STX8: variants seen among roughly 807,000 people sequenced by gnomAD.
The protein encoded by STX8 is syntaxin 8.
In STX8, 23 loss-of-function variants were observed where a neutral mutation model predicts 37.5. The ratio of observed to expected loss-of-function variants is 0.61; its 90% CI spans 0.44 to 0.87. The LOEUF (loss-of-function observed/expected upper bound fraction) is 0.87, where lower values mean the gene tolerates loss of function less well. STX8 is among the 40% of genes least tolerant of loss of function. The pLI, the probability that STX8 is intolerant of heterozygous loss-of-function variation, is 0.00. For synonymous variants in STX8, 115 were observed against 99.1 expected, an observed-to-expected ratio of 1.16 and a Z score of -0.95; for missense variants, 313 against 284.7, an observed-to-expected ratio of 1.10 and a Z score of -0.71.
At chr17:9,481,511 G>A (rs1382376755) in intron 6 of STX8, among the ~76,000 whole-genome samples, 5 of 152,180 alleles carry the variant, frequency 3.3e-5, no homozygotes, top group African/African-American at 1.2e-4. Flanking sequence ...AGGCTGGAGG[G>A]CATTGTTTCA....
chr17:9,371,469 T>A (rs1180889449), intron 7 of STX8, among the ~76,000 whole-genome samples: 1 of 152,200 alleles, frequency 6.6e-6, no homozygotes. Context: ...AAACAGCCAA[T>A]GTGGCTTTGC....
chr17:9,557,490 C>G lies in STX8; in HGVS notation c.156G>C (p.Lys52Asn). The G allele has an allele frequency of 6.2e-7, 1 of 1,614,066 alleles. No individual in the cohort carries two copies. The highest frequency in any genetic ancestry group is 1.1e-5 in the South Asian group (1 of 91,074). ...VTIRALLQNL[K>N]EKIALLKDLL... ...AGTCCTTCAAAAGGGCGATCTTTTC[C>G]TTCAGGTTCTGCAACAAAGCTCTGA... Residue 52 changes from lysine (K) to asparagine (N), a missense_variant, in exon 3 of 8, where the codon AAG (lysine) becomes AAC (asparagine). Physicochemically the swap from Lys to Asn is moderately conservative, Grantham distance 94. Transcript: ENST00000306357.
At chr17:9,383,919 TC>T (rs1911903124) in intron 6 of STX8, among the ~76,000 whole-genome samples, 1 of 152,128 alleles carries the variant, frequency 6.6e-6, no homozygotes, top group Non-Finnish European at 1.5e-5. Context: ...GTGTAAGACC[TC>T]TATAATAAAA....
chr17:9,353,259 G>A (rs1910769549), intron 7 of STX8, among the ~76,000 whole-genome samples: 2 of 152,112 alleles, frequency 1.3e-5, no homozygotes, highest in South Asian at 4.1e-4. Flanking sequence ...CATTGTTTGT[G>A]CGCTTCCTTG....
At chr17:9,447,780 T>A (rs1904902193) in intron 6 of STX8, among the ~76,000 whole-genome samples, 1 of 152,180 alleles carries the variant, frequency 6.6e-6, no homozygotes, top group African/African-American at 2.4e-5. Flanking sequence ...CAAATTAATG[T>A]TCTCATCAAT....
intron 6 of STX8, among the ~76,000 whole-genome samples, chr17:9,413,857 TGTAA>T (rs1264855655): frequency 6.6e-6 from 1 of 152,106 alleles, no homozygotes; most frequent in Non-Finnish European, 1.5e-5. Flanking sequence ...TATGTACGTA[TGTAA>T]GTATGTATGC....
At chr17:9,261,163 C>T (rs1907013793) in intron 7 of STX8, among the ~76,000 whole-genome samples, 3 of 152,078 alleles carry the variant, frequency 2.0e-5, no homozygotes, top group Admixed American at 2.0e-4. Flanking sequence ...GAGCACCTGG[C>T]TGGGCGTCAG....
At chr17:9,299,976 A>C (rs1043388460) in intron 7 of STX8, among the ~76,000 whole-genome samples, 5 of 152,214 alleles carry the variant, frequency 3.3e-5, no homozygotes, top group African/African-American at 4.8e-5. Context: ...GCAGGGCATG[A>C]ACATCAATCA....
intron 6 of STX8, among the ~76,000 whole-genome samples, chr17:9,412,392 G>T (rs989067991): frequency 1.3e-5 from 2 of 151,546 alleles, no homozygotes; most frequent in Non-Finnish European, 2.9e-5. Flanking sequence ...TGATTCTCCT[G>T]CCTCAGCCTC....
rs1405529512 is a variant in STX8 at position 9,332,386 on chromosome 17, G to A, written c.643+46166C>T. 2.0e-5 allele frequency among the ~76,000 whole-genome samples: 3 copies of A among 152,168 alleles called. No individual in the cohort carries two copies. In the East Asian group the frequency reaches 5.8e-4, roughly 29 times the overall value. On this transcript the variant is annotated intron_variant, in intron 7 of 7. Coordinates refer to ENST00000306357, the MANE Select transcript of STX8 (RefSeq NM_004853.3). ...TAACAAATCATCAGATCGACGTGCT[G>A]CCTTTGGTTAACTTAACCAACATCA...
intron 5 of STX8, among the ~76,000 whole-genome samples, chr17:9,500,058 T>G (rs891597967): frequency 6.6e-6 from 1 of 152,228 alleles, no homozygotes; most frequent in Non-Finnish European, 1.5e-5. Flanking sequence ...TTGTGCTGCA[T>G]GTAAAGCTGT....
chr17:9,407,079 T>C (rs1004266736), intron 6 of STX8, among the ~76,000 whole-genome samples: 24 of 152,170 alleles, frequency 1.6e-4, no homozygotes, highest in Non-Finnish European at 5.9e-5. Flanking sequence ...AACTGAATAA[T>C]AAACAGGTCA....
intron 6 of STX8, among the ~76,000 whole-genome samples, chr17:9,448,544 TTAC>T (rs761026742): frequency 0.2 from 29,769 of 151,898 alleles, 3,762 homozygotes; most frequent in East Asian, 0.63. Context: ...GCAATGTGCG[TTAC>T]GGAGAAAATA....
intron 7 of STX8, among the ~76,000 whole-genome samples, chr17:9,268,346 A>G (rs545161956): frequency 1.3e-3 from 199 of 152,188 alleles, no homozygotes; most frequent in Non-Finnish European, 2.0e-3. Flanking sequence ...ATCGTGGAAA[A>G]GGAGCCTCTT....
chr17:9,537,409 G>A (rs1906101744), intron 4 of STX8, among the ~76,000 whole-genome samples: 1 of 152,194 alleles, frequency 6.6e-6, no homozygotes, highest in South Asian at 2.1e-4. Flanking sequence ...CCAGTCACAG[G>A]GAACACGCAC....
chr17:9,458,307 G>A (rs1457075472), intron 6 of STX8, among the ~76,000 whole-genome samples: 2 of 150,854 alleles, frequency 1.3e-5, no homozygotes, highest in South Asian at 2.1e-4. Context: ...CCACTGCCAC[G>A]CCTGGCTAAT....
Position 9,411,442 on chromosome 17 carries a change from A to G in STX8, c.542-32789T>C, listed in dbSNP as rs147438165. 1.6e-3 allele frequency among the ~76,000 whole-genome samples: 246 copies of G among 152,362 alleles called. 2 individuals are homozygous for G. The highest frequency in any genetic ancestry group is 5.2e-3 in the African/African-American group (215 of 41,584). ...TGAAGACTCTAAAATCCCTGGCTATAAAACGAATGTTCTCAACACCAGGAA... is the reference window on the plus strand; with the variant it reads ...TGAAGACTCTAAAATCCCTGGCTATGAAACGAATGTTCTCAACACCAGGAA... On this transcript the variant is annotated intron_variant, in intron 6 of 7. Coordinates refer to ENST00000306357, the MANE Select transcript of STX8 (RefSeq NM_004853.3).
chr17:9,399,631 C>A (rs1051201898), intron 6 of STX8, among the ~76,000 whole-genome samples: 2 of 151,816 alleles, frequency 1.3e-5, no homozygotes, highest in African/African-American at 4.8e-5. Context: ...TTTGGGAGGC[C>A]GAGGCAGGCA....
intron 7 of STX8, among the ~76,000 whole-genome samples, chr17:9,253,283 G>A (rs557684821): frequency 8.9e-4 from 135 of 151,328 alleles, no homozygotes; most frequent in South Asian, 4.4e-3. Flanking sequence ...GTAGGGATAC[G>A]GGTGTGTGTG....
Sources: allele counts gnomAD v4.1 joint callset (sites outside exome capture counted in the v4.1 genomes callset), GRCh38; gene constraint gnomAD v4.1.1; transcripts MANE v1.5; gene names NCBI Gene and HGNC (gene_info 2026-07-23, HGNC 2026-07-21).